Variants in TNFAIP8 observed in about 807,000 individuals in gnomAD.
The protein encoded by TNFAIP8 is TNF alpha induced protein 8, also known as tumor necrosis factor alpha-induced protein 8.
A neutral mutation model predicts 13.3 loss-of-function variants in TNFAIP8; 7 were observed. The ratio of observed to expected loss-of-function variants is 0.52; its 90% CI spans 0.30 to 0.99. The LOEUF (loss-of-function observed/expected upper bound fraction) is 0.99. Among genes scored for constraint, TNFAIP8 ranks in the 50% least tolerant of loss-of-function variants. TNFAIP8 has a pLI of 0.07. For missense variants in TNFAIP8, 258 were observed against 236.9 expected (o/e 1.09, Z -0.58); for synonymous variants, 94 against 87.6 (o/e 1.07, Z -0.41).
intron 1 of TNFAIP8, among the ~76,000 whole-genome samples, chr5:119,271,875 C>G (rs1232480765): frequency 6.6e-6 from 1 of 152,148 alleles, no homozygotes; most frequent in Non-Finnish European, 1.5e-5. Flanking sequence ...TGAAAAGGCC[C>G]TCGTAACACC....
At chr5:119,287,207 C>T (rs150103833) in intron 1 of TNFAIP8, among the ~76,000 whole-genome samples, 2 of 150,820 alleles carry the variant, frequency 1.3e-5, no homozygotes, top group Non-Finnish European at 3.0e-5. Flanking sequence ...TTGATTCTAT[C>T]ACTTACAGCA....
rs144284709 is a variant in TNFAIP8 at position 119,356,217 on chromosome 5, G to A, written c.31+96G>A. Reference sequence around the variant, plus strand: ...GAGGATGGGAGTTTTAAAGTGAGCGGTGGGCACTTTGTCCGCTTGCCCTGC... The same window carrying A: ...GAGGATGGGAGTTTTAAAGTGAGCGATGGGCACTTTGTCCGCTTGCCCTGC... On this transcript the variant is annotated intron_variant, in intron 1 of 1. Transcript: ENST00000504771. 8.4e-3 allele frequency: 9,715 copies of A among 1,160,158 alleles called. 54 individuals carry two copies. The highest frequency in any genetic ancestry group is 0.01 in the Non-Finnish European group (8,579 of 832,748). 71.9% of individuals were successfully genotyped at this position (1,160,158 alleles called of 1,614,324 possible). A position where few individuals can be genotyped will look rare whatever the true frequency, so the allele number is the denominator to read the frequency against.
intron 1 of TNFAIP8, among the ~76,000 whole-genome samples, chr5:119,349,879 T>A (rs913400921): frequency 3.3e-5 from 5 of 152,228 alleles, no homozygotes; most frequent in African/African-American, 1.2e-4. Context: ...GTTACTCCTC[T>A]GCAAAATAAG....
At chr5:119,273,764 G>A (rs556459011) in intron 1 of TNFAIP8, among the ~76,000 whole-genome samples, 187 of 152,272 alleles carry the variant, frequency 1.2e-3, no homozygotes, top group African/African-American at 4.2e-3. Flanking sequence ...GGGAAGTTGC[G>A]TGAGGTCCGG....
chr5:119,385,069 C>T (rs1349893799), intron 1 of TNFAIP8, among the ~76,000 whole-genome samples: 2 of 152,152 alleles, frequency 1.3e-5, no homozygotes, highest in Non-Finnish European at 2.9e-5. Context: ...TTCTTGTCCA[C>T]GAATTTGGCA....
chr5:119,306,826 C>T (rs182644790), intron 1 of TNFAIP8, among the ~76,000 whole-genome samples: 108 of 152,234 alleles, frequency 7.1e-4, no homozygotes, highest in Non-Finnish European at 7.2e-4. Context: ...ACACCTCATA[C>T]TTAAATAAAG....
chr5:119,328,408 G>T (rs1281439459), intron 1 of TNFAIP8, among the ~76,000 whole-genome samples: 2 of 152,232 alleles, frequency 1.3e-5, no homozygotes, highest in Non-Finnish European at 2.9e-5. Flanking sequence ...CTGTCCTCTA[G>T]AGAGGGAATG....
chr5:119,363,422 G>A (rs150958736), intron 1 of TNFAIP8, among the ~76,000 whole-genome samples: 6 of 152,288 alleles, frequency 3.9e-5, no homozygotes, highest in East Asian at 1.9e-4. Flanking sequence ...GAAGCTGGCC[G>A]TCTCCATTTC....
At chr5:119,350,560 A>G (rs1003032192) in intron 1 of TNFAIP8, among the ~76,000 whole-genome samples, 1 of 152,224 alleles carries the variant, frequency 6.6e-6, no homozygotes, top group Non-Finnish European at 1.5e-5. Flanking sequence ...TCATCTGCTA[A>G]AAGCTTTTTA....
At chr5:119,369,205 G>A (rs1751985572) in intron 1 of TNFAIP8, among the ~76,000 whole-genome samples, 1 of 151,838 alleles carries the variant, frequency 6.6e-6, no homozygotes, top group African/African-American at 2.4e-5. Context: ...GGGCACCCAT[G>A]ACCATGCCCA....
chr5:119,376,570 C>T (rs1483635026), intron 1 of TNFAIP8, among the ~76,000 whole-genome samples: 3 of 150,652 alleles, frequency 2.0e-5, no homozygotes, highest in Non-Finnish European at 4.4e-5. Context: ...CCACCCCCCC[C>T]GTCTTTCTGC....
rs959649397 is a variant in TNFAIP8, at chr5:119,393,847, A to T, written c.*466A>T. ...CTCCTTTTGAAACAATTCAATTTTC[A>T]TGTCTACAGCTGACTGTTTTGTTAA... On this transcript the variant is annotated 3_prime_UTR_variant, in exon 2 of 2. Transcript: ENST00000504771. 4.4e-5 allele frequency: 7 copies of T among 158,228 alleles called. No individual in the cohort carries two copies. Among genetic ancestry groups the T allele is most frequent in the Admixed American group, 1.2e-4 (2 of 16,716 alleles). 9.8% of individuals were successfully genotyped at this position (158,228 alleles called of 1,614,324 possible).
At chr5:119,274,290 GTCCAGTACC>G (rs1748377384) in intron 1 of TNFAIP8, among the ~76,000 whole-genome samples, 1 of 152,244 alleles carries the variant, frequency 6.6e-6, no homozygotes, top group Non-Finnish European at 1.5e-5. Context: ...TGGGAAGTAA[GTCCAGTACC>G]TCATTCCATC....
At chr5:119,269,909 C>A (rs942311131) in intron 1 of TNFAIP8, among the ~76,000 whole-genome samples, 4 of 152,186 alleles carry the variant, frequency 2.6e-5, no homozygotes, top group Non-Finnish European at 4.4e-5. Context: ...ATAGTTTCTT[C>A]ATCTATAAAA....
At chr5:119,371,657 T>A (rs185336409) in intron 1 of TNFAIP8, among the ~76,000 whole-genome samples, 1 of 152,360 alleles carries the variant, frequency 6.6e-6, no homozygotes, top group East Asian at 1.9e-4. Flanking sequence ...TTTTATAATA[T>A]ACATTGTCTA....
chr5:119,333,327 A>G, intron 1 of TNFAIP8: 1 of 1,252,350 alleles, frequency 8.0e-7, no homozygotes, highest in Non-Finnish European at 1.0e-6. Context: ...TACCTAATGC[A>G]TTCCACTACA....
intron 1 of TNFAIP8, among the ~76,000 whole-genome samples, chr5:119,378,430 C>G (rs1752362473): frequency 2.0e-5 from 3 of 152,102 alleles, no homozygotes; most frequent in Non-Finnish European, 4.4e-5. Context: ...TTAACTGGAT[C>G]TAGCCTCCTG....
At chr5:119,314,070 G>A (rs1326420068) in intron 1 of TNFAIP8, among the ~76,000 whole-genome samples, 2 of 152,150 alleles carry the variant, frequency 1.3e-5, no homozygotes, top group Non-Finnish European at 2.9e-5. Flanking sequence ...ACACATGCCT[G>A]GCATTACAAT....
At chr5:119,354,390 T>G (rs1032637255), upstream of TNFAIP8, 9 of 152,218 alleles carry the variant, frequency 5.9e-5, no homozygotes, top group Admixed American at 5.9e-4. Context: ...TGAGATAACA[T>G]GTTAGAATCT....
Sources: gnomAD v4.1 joint callset for allele counts (sites outside exome capture counted in the v4.1 genomes callset) on GRCh38, gnomAD v4.1.1 for gene constraint, MANE v1.5 for transcripts, NCBI Gene and HGNC (gene_info 2026-07-23, HGNC 2026-07-21) for gene names.